Variants in ARHGEF3 observed in about 807,000 individuals in gnomAD.
ARHGEF3 encodes Rho guanine nucleotide exchange factor 3.
Under a neutral mutation model 63.2 loss-of-function variants are expected in ARHGEF3, and 28 were observed. The ratio of observed to expected loss-of-function variants is 0.44; its 90% CI spans 0.33 to 0.61. The LOEUF (loss-of-function observed/expected upper bound fraction) is 0.61. Among genes scored for constraint, ARHGEF3 ranks in the 20% least tolerant of loss-of-function variants. The probability of loss-of-function intolerance (pLI) is 0.03; values close to 1 mark genes in which losing one functional copy is unlikely to be tolerated. For missense variants in ARHGEF3, 533 were observed against 659.3 expected, an observed-to-expected ratio of 0.81 and a Z score of 2.10; for synonymous variants, 266 against 254.2, an observed-to-expected ratio of 1.05 and a Z score of -0.44.
intron 3 of ARHGEF3, among the ~76,000 whole-genome samples, chr3:56,921,067 A>AC (rs1400376206): frequency 6.6e-6 from 1 of 150,822 alleles, no homozygotes. Flanking sequence ...AAAAAAAAAA[A>AC]AAAAAAAAAA....
At chr3:56,947,285 C>G (rs1377846984) in intron 3 of ARHGEF3, among the ~76,000 whole-genome samples, 1 of 152,080 alleles carries the variant, frequency 6.6e-6, no homozygotes, top group Non-Finnish European at 1.5e-5. Flanking sequence ...CAATATTAAC[C>G]TTAAATGTAA....
At chr3:56,883,756 G>A (rs1198433309) in intron 3 of ARHGEF3, among the ~76,000 whole-genome samples, 1 of 152,108 alleles carries the variant, frequency 6.6e-6, no homozygotes, top group Non-Finnish European at 1.5e-5. Flanking sequence ...ATGTTACTTA[G>A]AAGAAAGCTA....
chr3:56,901,513 T>C (rs1030668919), intron 3 of ARHGEF3, among the ~76,000 whole-genome samples: 1 of 151,790 alleles, frequency 6.6e-6, no homozygotes, highest in Admixed American at 6.6e-5. Context: ...TTGTGAACAC[T>C]GAGTTAATGA....
rs184105316 is a variant in ARHGEF3 at position 56,816,392 on chromosome 3, C to T, written c.193-42576G>A. On this transcript the variant is annotated intron_variant, in intron 4 of 12. Transcript: ENST00000338458. ...AACTAAAAACAAAGATACCTTGCAG[C>T]AACTTCTAAATAGTGCCCCATAAAT... Among the ~76,000 whole-genome samples, 366 of 152,274 alleles carry T rather than the reference C, an allele frequency of 2.4e-3. 1 individual carries two copies. The highest frequency in any genetic ancestry group is 3.4e-3 in the Non-Finnish European group (234 of 68,010).
At chr3:56,989,991 C>T (rs187690353) in intron 2 of ARHGEF3, among the ~76,000 whole-genome samples, 3 of 152,278 alleles carry the variant, frequency 2.0e-5, no homozygotes, top group East Asian at 1.9e-4. Context: ...CTGATCTCCC[C>T]GAATCAAGGG....
At chr3:56,938,635 C>T (rs114348670) in intron 3 of ARHGEF3, 76 of 152,294 alleles carry the variant, frequency 5.0e-4, no homozygotes, top group African/African-American at 1.8e-3. Flanking sequence ...GGCCTTAGCT[C>T]GGCTCCCCGT....
intron 4 of ARHGEF3, among the ~76,000 whole-genome samples, chr3:56,871,646 CA>C: frequency 6.6e-6 from 1 of 152,212 alleles, no homozygotes; most frequent in South Asian, 2.1e-4. Context: ...CACATACCAA[CA>C]GGTCAAAATC....
chr3:56,945,188 G>A (rs984060905), intron 3 of ARHGEF3, among the ~76,000 whole-genome samples: 3 of 152,170 alleles, frequency 2.0e-5, no homozygotes, highest in African/African-American at 4.8e-5. Flanking sequence ...CTCCCAGCAT[G>A]AGTGATGCAG....
chr3:57,036,003 G>T (rs995584629), intron 1 of ARHGEF3, among the ~76,000 whole-genome samples: 1 of 152,198 alleles, frequency 6.6e-6, no homozygotes, highest in African/African-American at 2.4e-5. Flanking sequence ...ATGATTACAT[G>T]TCCTCACTGG....
At chr3:57,072,928 C>T (rs1706004820) in intron 1 of ARHGEF3, among the ~76,000 whole-genome samples, 1 of 152,094 alleles carries the variant, frequency 6.6e-6, no homozygotes, top group Non-Finnish European at 1.5e-5. Context: ...CGCCTGTAAT[C>T]CCAGCTACTC....
chr3:56,930,950 G>A (rs1681812164), intron 3 of ARHGEF3, among the ~76,000 whole-genome samples: 3 of 152,112 alleles, frequency 2.0e-5, no homozygotes, highest in South Asian at 4.1e-4. Flanking sequence ...CATATGCTGC[G>A]CCTCTTAGTC....
intron 1 of ARHGEF3, among the ~76,000 whole-genome samples, chr3:56,800,861 C>T (rs549362077): frequency 6.6e-6 from 1 of 152,348 alleles, no homozygotes; most frequent in South Asian, 2.1e-4. Context: ...GCGAAAGCGA[C>T]TGTATTCCCT....
At chr3:56,929,093 AG>A (rs1227058679) in intron 3 of ARHGEF3, among the ~76,000 whole-genome samples, 1 of 152,212 alleles carries the variant, frequency 6.6e-6, no homozygotes, top group African/African-American at 2.4e-5. Context: ...GACCTCCAGG[AG>A]GGCCTATCTA....
intron 1 of ARHGEF3, among the ~76,000 whole-genome samples, chr3:57,046,968 G>C (rs1174398100): frequency 6.6e-6 from 1 of 152,130 alleles, no homozygotes; most frequent in African/African-American, 2.4e-5. Flanking sequence ...ATTACACAAT[G>C]ACAAGATTTT....
chr3:56,756,077 G>A (rs2035050982), intron 2 of ARHGEF3, among the ~76,000 whole-genome samples: 1 of 152,136 alleles, frequency 6.6e-6, no homozygotes, highest in African/African-American at 2.4e-5. Flanking sequence ...CTGTCCCTGA[G>A]GTATTTTCCT....
chr3:57,039,362 C>T (rs953689436), intron 1 of ARHGEF3, among the ~76,000 whole-genome samples: 1 of 152,344 alleles, frequency 6.6e-6, no homozygotes, highest in Middle Eastern at 3.4e-3. Context: ...TTGCTGGGAA[C>T]ATAAATTGGT....
chr3:56,867,860 G>GC (rs2040306653), intron 4 of ARHGEF3, among the ~76,000 whole-genome samples: 2 of 152,112 alleles, frequency 1.3e-5, no homozygotes, highest in African/African-American at 4.8e-5. Context: ...CAGGTTGGAG[G>GC]CCCTAGACAT....
chr3:56,863,886 G>A (rs1226847813), intron 4 of ARHGEF3, among the ~76,000 whole-genome samples: 1 of 152,114 alleles, frequency 6.6e-6, no homozygotes, highest in Non-Finnish European at 1.5e-5. Flanking sequence ...ATACATACAA[G>A]GTCTGATAGC....
At chr3:56,980,564 G>C (rs921297290) in intron 2 of ARHGEF3, among the ~76,000 whole-genome samples, 1 of 152,142 alleles carries the variant, frequency 6.6e-6, no homozygotes, top group East Asian at 1.9e-4. Flanking sequence ...GCTCTTAGAA[G>C]AGCTAAGAAC....
Sources: gnomAD v4.1 joint callset for allele counts (sites outside exome capture counted in the v4.1 genomes callset) on GRCh38, gnomAD v4.1.1 for gene constraint, MANE v1.5 for transcripts, NCBI Gene and HGNC (gene_info 2026-07-23, HGNC 2026-07-21) for gene names.